The following STRA6 variants were observed in gnomAD, a reference collection of about 807,000 sequenced individuals.
STRA6 encodes signaling receptor and transporter of retinol STRA6, also known as receptor for retinol uptake STRA6.
STRA6 carries 48 observed loss-of-function variants against 83.6 expected under a neutral mutation model. That is an observed-to-expected ratio of 0.57 (90% CI 0.46 to 0.73). The LOEUF (loss-of-function observed/expected upper bound fraction) is 0.73, where lower values mean the gene tolerates loss of function less well. Ranked by LOEUF, STRA6 falls within the 30% of genes least tolerant of loss-of-function variation. STRA6 has a pLI of 0.00. For missense variants in STRA6, 760 were observed against 838.8 expected (o/e 0.91, Z 1.16); for synonymous variants, 353 against 362.3 (o/e 0.97, Z 0.29).
rs151169280 is a variant in STRA6, at chr15:74,191,373, T to G, written c.788+51A>C. The G allele has an allele frequency of 3.1e-3, 5,058 of 1,609,562 alleles. 16 individuals carry two copies. Among genetic ancestry groups the G allele is most frequent in the Middle Eastern group, 6.2e-3 (37 of 5,938 alleles). On this transcript the variant is annotated intron_variant, in intron 9 of 18. Coordinates refer to ENST00000395105, the MANE Select transcript of STRA6 (RefSeq NM_022369.4). ...CCAGTGCCAGCTTCCCAAGCACGGC[T>G]GCTAACCAGCCCAATCCATTGGCCC...
At chr15:74,194,852 C>T in intron 7 of STRA6, 2 of 1,354,862 alleles carry the variant, frequency 1.5e-6, no homozygotes, top group Non-Finnish European at 1.9e-6. Flanking sequence ...ACAGCCCCAG[C>T]CAGCAGCCAG....
At position 74,196,084 on chromosome 15, in the gene STRA6, G is replaced by A. The variant is rs775740131; in HGVS notation, c.330C>T (p.Leu110=). The A allele has an allele frequency of 2.5e-6, 4 of 1,614,056 alleles. No individual in the cohort carries two copies. Among genetic ancestry groups the A allele is most frequent in the Non-Finnish European group, 3.4e-6 (4 of 1,180,002 alleles). The change falls in exon 5 of 19, where the codon CTC becomes CTT. Residue 110 remains leucine, a synonymous_variant. Transcript: ENST00000395105. ...GGAGCAGCAAACACAGGGAGCTCAGGAGGACCATGAAAACAGCAGCAGGCA... is the reference window on the plus strand; with the variant it reads ...GGAGCAGCAAACACAGGGAGCTCAGAAGGACCATGAAAACAGCAGCAGGCA... The part of the protein sequence containing the change: ...RAVPAAVFMV[L]LSSLCLLLPD...
At position 74,190,829 on chromosome 15, in the gene STRA6, G is replaced by T. The variant is rs755244768; in HGVS notation, c.927+11C>A. On this transcript the variant is annotated intron_variant, in intron 11 of 18. Coordinates refer to ENST00000395105, the MANE Select transcript of STRA6 (RefSeq NM_022369.4). Reference sequence around the variant, plus strand: ...CCAGAGGCAGATGGCAGTACAGGGTGAGGGACATACCTGGTAAATGGCCGT... The same window carrying T: ...CCAGAGGCAGATGGCAGTACAGGGTTAGGGACATACCTGGTAAATGGCCGT... 2.6e-5 allele frequency: 42 copies of T among 1,613,938 alleles called. No individual in the cohort carries two copies. The Admixed American group carries it at 6.7e-4, about 26-fold the overall frequency.
In STRA6 at chr15:74,202,725, C is replaced by A; in HGVS notation, c.-28G>T. 8.0e-7 allele frequency: 1 copy of A among 1,251,826 alleles called. No homozygotes were observed. Among genetic ancestry groups the A allele is most frequent in the Non-Finnish European group, 1.0e-6 (1 of 1,000,306 alleles). The allele number at this position is 1,251,826 out of a possible 1,614,324, so 77.5% of individuals were successfully genotyped here. On this transcript the variant is annotated 5_prime_UTR_variant, in exon 1 of 19. Coordinates refer to ENST00000395105, the MANE Select transcript of STRA6 (RefSeq NM_022369.4). ...CCCACAGACACACCAGAAGGGAGGCCCAGGGAGGAAGGAGTTGCAGAGATG... is the reference window on the plus strand; with the variant it reads ...CCCACAGACACACCAGAAGGGAGGCACAGGGAGGAAGGAGTTGCAGAGATG...
chr15:74,208,065 G>T (rs889617284), intron 1 of STRA6: 85 of 1,269,484 alleles, frequency 6.7e-5, no homozygotes, highest in Non-Finnish European at 8.2e-5. Flanking sequence ...AAAGGATTTA[G>T]ACCAGGCTGT....
At position 74,195,675 on chromosome 15, in the gene STRA6, T is replaced by C. The variant is rs1381935260; in HGVS notation, c.407A>G (p.Asp136Gly). ...FLTLASAPSQ[D>G]GKTEAPRGAW... The stretch of plus-strand genomic sequence containing the variant: ...ACCTCTTGGAGCCTCAGTTTTCCCA[T>C]CTGTAAAATGAAAATAATCACAGTA... The change falls in exon 6 of 19, where the codon GAT becomes GGT. Residue 136 changes from aspartate to glycine, a missense_variant and splice_region_variant. Physicochemically the swap from Asp to Gly is moderately conservative, Grantham distance 94. Coordinates refer to ENST00000395105, the MANE Select transcript of STRA6 (RefSeq NM_022369.4). 7.2e-7 allele frequency: 1 copy of C among 1,390,486 alleles called. No homozygotes were observed. Among genetic ancestry groups the C allele is most frequent in the African/African-American group, 1.4e-5 (1 of 70,056 alleles). The allele number at this position is 1,390,486 out of a possible 1,614,324, so 86.1% of individuals were successfully genotyped here.
rs1403416107 is a variant in STRA6 at position 74,188,220 on chromosome 15, G to C, written c.1090+895C>G. Among the ~76,000 whole-genome samples the C allele has an allele frequency of 6.6e-6, 1 of 152,202 alleles. No homozygotes were observed. The highest frequency in any genetic ancestry group is 2.4e-5 in the African/African-American group (1 of 41,452). On this transcript the variant is annotated intron_variant, in intron 12 of 18. Transcript: ENST00000395105. The surrounding 1 kb of genome is among the most constrained non-coding windows in gnomAD (Gnocchi z 4.5). ...CGCCATGACCAGCATGCCCAGGTCT[G>C]TAGGATAAGGATGATGTTAATGGTC... is the stretch of plus-strand genomic sequence containing the variant.
At chr15:74,191,639 A>T (rs1189536164) in intron 8 of STRA6, 148 bp from the exon 9 acceptor site, 3 of 722,728 alleles carry the variant, frequency 4.2e-6, no homozygotes, top group Non-Finnish European at 7.5e-6. Flanking sequence ...GATGGGGCTG[A>T]CCTGTGGGGA....
Position 74,202,564 on chromosome 15 carries a change from C to T in STRA6, c.-16+149G>A, listed in dbSNP as rs1190240012. 21 of 1,476,014 alleles carry T rather than the reference C, an allele frequency of 1.4e-5. No individual in the cohort carries two copies. In the East Asian group the frequency reaches 2.7e-4, roughly 19 times the overall value. 91.4% of individuals were successfully genotyped at this position (1,476,014 alleles called of 1,614,324 possible). A position where few individuals can be genotyped will look rare whatever the true frequency, so the allele number is the denominator to read the frequency against. Reference sequence around the variant, plus strand: ...TAGCTGTCCCCTTGGGGCCCCGGGGCTCCCGCTGGCGCATCTGTCTGACCA... The same window carrying T: ...TAGCTGTCCCCTTGGGGCCCCGGGGTTCCCGCTGGCGCATCTGTCTGACCA... On this transcript the variant is annotated intron_variant, in intron 1 of 18. Transcript: ENST00000395105.
At chr15:74,208,203 C>T in intron 1 of STRA6, 1 of 334,686 alleles carries the variant, frequency 3.0e-6, no homozygotes, top group Non-Finnish European at 4.5e-6. Flanking sequence ...GATTTCAGCT[C>T]AGAACAAAGG....
chr15:74,183,510 C>T, intron 14 of STRA6: 1 of 1,172,738 alleles, frequency 8.5e-7, no homozygotes, highest in Non-Finnish European at 1.1e-6. Flanking sequence ...TCCCAAAGTG[C>T]TGGGATTACA....
At chr15:74,209,102 C>T (rs543391637), upstream of STRA6, 247 of 1,308,094 alleles carry the variant, frequency 1.9e-4, 5 homozygotes, top group South Asian at 3.2e-3. Context: ...ACAGACCTCC[C>T]GCCCTTGATT....
chr15:74,194,831 T>TG, intron 7 of STRA6: 1 of 1,342,034 alleles, frequency 7.5e-7, no homozygotes, highest in South Asian at 2.4e-5. Context: ...AGTTCTAGAC[T>TG]GGACAGCTTC....
At chr15:74,185,817 G>C (rs897715823) in intron 12 of STRA6, among the ~76,000 whole-genome samples, 1 of 152,250 alleles carries the variant, frequency 6.6e-6, no homozygotes, top group Non-Finnish European at 1.5e-5. Flanking sequence ...GGCTCAGAGA[G>C]AGGGCTTCGC....
At chr15:74,208,996 T>C in exon 1 of STRA6, 1 of 1,024,838 alleles carries the variant, frequency 9.8e-7, no homozygotes, top group Non-Finnish European at 1.2e-6. Flanking sequence ...CCCTGAGAAG[T>C]GTCCCCAGCA....
chr15:74,191,168 T>C lies in STRA6; in HGVS notation c.864A>G (p.Pro288=). 1 of 1,613,976 alleles carries C rather than the reference T, an allele frequency of 6.2e-7. No individual in the cohort carries two copies. The highest frequency in any genetic ancestry group is 8.5e-7 in the Non-Finnish European group (1 of 1,179,970). ...CLRHCIYTPQ[P]GFHLPLKLVL... ...CGGCCTCAGCTCCCAACCCCATACCTGGCTGTGGAGTGTAGATGCAGTGTC... is the reference window on the plus strand; with the variant it reads ...CGGCCTCAGCTCCCAACCCCATACCCGGCTGTGGAGTGTAGATGCAGTGTC... Residue 288 remains proline (P), a splice_region_variant and synonymous_variant, in exon 10 of 19, where the codon CCA becomes CCG. Coordinates refer to ENST00000395105, the MANE Select transcript of STRA6 (RefSeq NM_022369.4).
chr15:74,211,739 G>A (rs577341250), upstream of STRA6, among the ~76,000 whole-genome samples: 1 of 151,946 alleles, frequency 6.6e-6, no homozygotes, highest in East Asian at 1.9e-4. Flanking sequence ...CCTCCTGTCT[G>A]CCTTTCTGCC....
chr15:74,182,384 A>G lies in STRA6; in HGVS notation c.1377T>C (p.His459=), dbSNP rs753144270. 3.1e-6 allele frequency: 5 copies of G among 1,613,926 alleles called. No individual in the cohort carries two copies. The South Asian group carries it at 4.4e-5, about 14-fold the overall frequency. ...LAFLVLMPVL[H]GRNLLLFRSL... is the part of the protein sequence containing the mutation. ...AACGGAAGAGCAGGAGGTTCCTGCCATGGAGCACAGGCATGAGCACCAGGA... is the reference window on the plus strand; with the variant it reads ...AACGGAAGAGCAGGAGGTTCCTGCCGTGGAGCACAGGCATGAGCACCAGGA... Residue 459 remains histidine, a synonymous_variant, in exon 15 of 19, where the codon CAT becomes CAC. Coordinates refer to ENST00000395105, the MANE Select transcript of STRA6 (RefSeq NM_022369.4).
At chr15:74,191,354 C>A in intron 9 of STRA6, 70 bp downstream of exon 9, 1 of 1,607,192 alleles carries the variant, frequency 6.2e-7, no homozygotes, top group Non-Finnish European at 8.5e-7. Flanking sequence ...CTGCCCAGTG[C>A]CAGCTTCCCA....
Sources: gnomAD v4.1 joint callset for allele counts (sites outside exome capture counted in the v4.1 genomes callset) on GRCh38, gnomAD v4.1.1 for gene constraint, Gnocchi (gnomAD v3.1) non-coding constraint, MANE v1.5 for transcripts, NCBI Gene and HGNC (gene_info 2026-07-23, HGNC 2026-07-21) for gene names.